The following TNPO1 variants were observed in gnomAD, a reference collection of about 807,000 sequenced individuals.
TNPO1 encodes the protein transportin 1.
A neutral mutation model predicts 119.5 loss-of-function variants in TNPO1; 8 were observed. The observed-to-expected ratio is 0.07, with a 90% CI of 0.04 to 0.12. TNPO1 has a LOEUF of 0.12. Among genes scored for constraint, TNPO1 ranks in the 10% least tolerant of loss-of-function variants. TNPO1 has a pLI of 1.00. For synonymous variants in TNPO1, 362 were observed against 363.0 expected, an observed-to-expected ratio of 1.00 and a Z score of 0.03; for missense variants, 576 against 1,089.8, an observed-to-expected ratio of 0.53 and a Z score of 6.64.
chr5:72,858,365 T>C (rs1330073212), intron 4 of TNPO1, among the ~76,000 whole-genome samples: 1 of 152,208 alleles, frequency 6.6e-6, no homozygotes, highest in African/African-American at 2.4e-5. Context: ...TAATATTAAC[T>C]AGATAAAACA....
chr5:72,841,370 C>T (rs1267322509), intron 1 of TNPO1, among the ~76,000 whole-genome samples: 1 of 152,196 alleles, frequency 6.6e-6, no homozygotes, highest in Non-Finnish European at 1.5e-5. Context: ...CCACCCGCCT[C>T]AGCCTCCCAA....
chr5:72,884,238 TTTA>T (rs1251231351), intron 11 of TNPO1, among the ~76,000 whole-genome samples: 1 of 152,210 alleles, frequency 6.6e-6, no homozygotes, highest in Non-Finnish European at 1.5e-5. Flanking sequence ...TTATTATCTC[TTTA>T]TTATTATAGT....
chr5:72,866,726 C>G (rs1236264324), intron 6 of TNPO1, among the ~76,000 whole-genome samples: 1 of 152,038 alleles, frequency 6.6e-6, no homozygotes, highest in Non-Finnish European at 1.5e-5. Context: ...TGCACTCCAG[C>G]CTGGGCGACA....
chr5:72,824,804 T>C (rs1313292950), intron 1 of TNPO1, among the ~76,000 whole-genome samples: 1 of 151,448 alleles, frequency 6.6e-6, no homozygotes, highest in African/African-American at 2.4e-5. Context: ...TTTAGCCCCC[T>C]CCTCAATTCC....
At chr5:72,853,459 CTTG>C (rs1745746966) in intron 3 of TNPO1, among the ~76,000 whole-genome samples, 2 of 152,154 alleles carry the variant, frequency 1.3e-5, no homozygotes, top group African/African-American at 2.4e-5. Flanking sequence ...AAACACACAA[CTTG>C]TTAAGTAGTG....
chr5:72,901,169 TTC>T (rs1298979725), intron 22 of TNPO1, 96 bp downstream of exon 22: 10 of 720,628 alleles, frequency 1.4e-5, no homozygotes, highest in Non-Finnish European at 1.5e-5. Context: ...GTTAACTATT[TTC>T]AAAGGTATCA....
At chr5:72,887,565 GT>G (rs1748740996) in intron 12 of TNPO1, among the ~76,000 whole-genome samples, 1 of 152,168 alleles carries the variant, frequency 6.6e-6, no homozygotes, top group Admixed American at 6.5e-5. Context: ...TGTGCCTGTA[GT>G]CCCAGCTACT....
At chr5:72,877,473 T>C in intron 9 of TNPO1, 127 bp downstream of exon 9, 1 of 510,184 alleles carries the variant, frequency 2.0e-6, no homozygotes, top group Non-Finnish European at 3.4e-6. Context: ...CCAGACTTAA[T>C]TTTATTGTTG....
intron 12 of TNPO1, 106 bp from the exon 13 acceptor site, chr5:72,887,972 G>A: frequency 9.2e-7 from 1 of 1,085,732 alleles, no homozygotes; most frequent in African/African-American, 1.6e-5. Flanking sequence ...GTGTATAGCA[G>A]TAGAAATATT....
chr5:72,873,108 G>A (rs1747527791), intron 7 of TNPO1, among the ~76,000 whole-genome samples: 1 of 152,076 alleles, frequency 6.6e-6, no homozygotes, highest in African/African-American at 2.4e-5. Flanking sequence ...TCATTTGGTA[G>A]AATCTGAAGG....
At chr5:72,848,205 C>A (rs1745231646) in intron 1 of TNPO1, 180 bp from the exon 2 acceptor site, 4 of 1,244,722 alleles carry the variant, frequency 3.2e-6, no homozygotes, top group Non-Finnish European at 4.0e-6. Context: ...AGGAGCAGTT[C>A]CGCCGGGTTT....
intron 11 of TNPO1, among the ~76,000 whole-genome samples, chr5:72,884,337 C>T (rs1748466126): frequency 6.6e-6 from 1 of 152,026 alleles, no homozygotes; most frequent in Non-Finnish European, 1.5e-5. Flanking sequence ...TTATTATATT[C>T]TTAAACTACC....
At chr5:72,874,854 T>C (rs958952740) in intron 7 of TNPO1, among the ~76,000 whole-genome samples, 3 of 152,230 alleles carry the variant, frequency 2.0e-5, no homozygotes, top group Non-Finnish European at 2.9e-5. Flanking sequence ...AGTAAGACTT[T>C]ATGTGTGACA....
intron 1 of TNPO1, among the ~76,000 whole-genome samples, chr5:72,827,907 G>A (rs1744275929): frequency 1.4e-5 from 2 of 146,628 alleles, no homozygotes; most frequent in Middle Eastern, 3.2e-3. Flanking sequence ...GCAACAGAGG[G>A]AGATCCTGCC....
At chr5:72,827,079 G>T (rs1744237691) in intron 1 of TNPO1, among the ~76,000 whole-genome samples, 1 of 152,088 alleles carries the variant, frequency 6.6e-6, no homozygotes, top group South Asian at 2.1e-4. Flanking sequence ...GTCGTATTTG[G>T]CCAGCAGTCA....
At chr5:72,828,627 T>C (rs1312733977) in intron 1 of TNPO1, among the ~76,000 whole-genome samples, 3 of 152,156 alleles carry the variant, frequency 2.0e-5, no homozygotes, top group African/African-American at 7.2e-5. Flanking sequence ...CAGGATATTA[T>C]CTTATGAAAC....
rs1372208368 is a variant in TNPO1 at position 72,874,609 on chromosome 5, T to G, written c.679-1006T>G. Among the ~76,000 whole-genome samples the G allele has an allele frequency of 2.0e-5, 3 of 152,148 alleles. No homozygotes were observed. The East Asian group carries it at 5.8e-4, about 29-fold the overall frequency. On this transcript the variant is annotated intron_variant, in intron 7 of 24. Coordinates refer to ENST00000337273, the MANE Select transcript of TNPO1 (RefSeq NM_002270.4). ...AACAGGAACTACGTAGTTTTGAGAG[T>G]GTCAAATGTGGAAGCAGGACTTGGG...
chr5:72,871,223 C>G (rs956811216), intron 6 of TNPO1, among the ~76,000 whole-genome samples: 1 of 152,088 alleles, frequency 6.6e-6, no homozygotes, highest in African/African-American at 2.4e-5. Flanking sequence ...GTGATCCGCC[C>G]GCCTCGGCCT....
At position 72,896,551 on chromosome 5, in the gene TNPO1, A is replaced by C. The variant is rs1242442728; in HGVS notation, c.2237A>C (p.Gln746Pro). 6.2e-7 allele frequency: 1 copy of C among 1,610,592 alleles called. No individual in the cohort carries two copies. The change falls in exon 19 of 25, where the codon CAA becomes CCA. Residue 746 changes from glutamine to proline, a missense_variant. Around this residue, in one of 6 missense-constraint regions of TNPO1, gnomAD observed 162 missense variants for 294.1 expected, o/e 0.55. Coordinates refer to ENST00000337273, the MANE Select transcript of TNPO1 (RefSeq NM_002270.4). ...ATWAIGEISI[Q>P]MGIEMQPYIP... is the part of the protein sequence containing the mutation. ...TGGGCAATTGGAGAAATCTCCATTC[A>C]AATGGGTAAGATGTTTTTCCCTATT...
Sources: allele counts gnomAD v4.1 joint callset (sites outside exome capture counted in the v4.1 genomes callset), GRCh38; gene constraint gnomAD v4.1.1; regional missense constraint gnomAD v4.1.1; transcripts MANE v1.5; gene names NCBI Gene and HGNC (gene_info 2026-07-23, HGNC 2026-07-21).